The following RAPGEF3 variants were observed in gnomAD, a reference collection of about 807,000 sequenced individuals.
RAPGEF3 encodes the protein 9330170P05Rik.
A neutral mutation model predicts 129.8 loss-of-function variants in RAPGEF3; 103 were observed. That is an observed-to-expected ratio of 0.79 (90% CI 0.68 to 0.93). The LOEUF (loss-of-function observed/expected upper bound fraction) is 0.93. Among genes scored for constraint, RAPGEF3 ranks in the 40% least tolerant of loss-of-function variants. The pLI is 0.00. For missense variants in RAPGEF3, 1,117 were observed against 1,207.4 expected, an observed-to-expected ratio of 0.93 and a Z score of 1.11; for synonymous variants, 436 against 482.6, an observed-to-expected ratio of 0.90 and a Z score of 1.26.
In RAPGEF3 at chr12:47,740,833, G is replaced by T. The variant is rs764015647; in HGVS notation, c.2050-10C>A. ...AGTGGATCAGCTCCACCTGGGTGGG[G>T]TCAGCAGGAGAGGTCAGCGAGTGCT... On this transcript the variant is annotated splice_polypyrimidine_tract_variant and intron_variant, in intron 20 of 27. Transcript: ENST00000449771. 8.1e-6 allele frequency: 13 copies of T among 1,613,750 alleles called. No individual in the cohort carries two copies. The South Asian group carries it at 1.4e-4, about 18-fold the overall frequency.
intron 12 of RAPGEF3, 145 bp from the exon 13 acceptor site, chr12:47,748,297 C>T: frequency 1.0e-6 from 1 of 954,690 alleles, no homozygotes; most frequent in Non-Finnish European, 1.6e-6. Flanking sequence ...TAGTGCTCCC[C>T]ACTAAGCCAA....
Position 47,748,910 on chromosome 12 carries a change from G to A in RAPGEF3, c.1063C>T (p.Arg355Trp), listed in dbSNP as rs766892669. Reference sequence around the variant, plus strand: ...ACCACTTTGCCATGTTCTTCCAGCCGCATGGTCTTTGCCTCCACATCCTGG... The same window carrying A: ...ACCACTTTGCCATGTTCTTCCAGCCACATGGTCTTTGCCTCCACATCCTGG... ...IIKDVEAKTM[R>W]LEEHGKVVLV... The change falls in exon 11 of 28, where the codon CGG (arginine) becomes TGG (tryptophan). Residue 355 changes from arginine (R) to tryptophan (W), a missense_variant. Arg to Trp is a moderately radical substitution (Grantham distance 101, BLOSUM62 -3). Transcript: ENST00000449771. The A allele has an allele frequency of 1.2e-5, 20 of 1,613,840 alleles. 1 individual carries two copies. The highest frequency in any genetic ancestry group is 5.0e-5 in the Admixed American group (3 of 59,988).
At chr12:47,741,142 G>A in intron 19 of RAPGEF3, 102 bp from the exon 20 acceptor site, 1 of 1,363,942 alleles carries the variant, frequency 7.3e-7, no homozygotes, top group Non-Finnish European at 1.0e-6. Context: ...CGTGTTAGGA[G>A]GAGGGTTAGG....
At chr12:47,747,940 G>A (rs901050920) in intron 13 of RAPGEF3, 78 bp from the exon 14 acceptor site, 4 of 1,588,672 alleles carry the variant, frequency 2.5e-6, no homozygotes, top group Admixed American at 3.4e-5. Flanking sequence ...GATGCCCAGG[G>A]CCCCTGGCAA....
At chr12:47,740,224 G>T (rs200383541) in intron 22 of RAPGEF3, 33 bp from the exon 23 acceptor site, 5 of 1,613,184 alleles carry the variant, frequency 3.1e-6, no homozygotes, top group Non-Finnish European at 3.4e-6. Flanking sequence ...CGGCTGCTCT[G>T]GGGGAGGCCC....
chr12:47,738,827 A>T (rs1940957923), intron 24 of RAPGEF3, 73 bp from the exon 25 acceptor site: 1 of 1,358,898 alleles, frequency 7.4e-7, no homozygotes. Flanking sequence ...GGTGAAGGGC[A>T]TAACGGCTCC....
intron 16 of RAPGEF3, 77 bp downstream of exon 16, chr12:47,746,783 C>G (rs1421394367): frequency 6.9e-7 from 1 of 1,448,970 alleles, no homozygotes; most frequent in Non-Finnish European, 9.5e-7. Flanking sequence ...CCCACAGAGC[C>G]CCTCAGGGTC....
At chr12:47,750,451 A>G (rs750081614) in intron 6 of RAPGEF3, 26 bp from the exon 7 acceptor site, 15 of 1,597,990 alleles carry the variant, frequency 9.4e-6, no homozygotes, top group Middle Eastern at 1.7e-4. Context: ...GAATGGGAGC[A>G]CACTGTGAAC....
chr12:47,743,418 C>T, intron 18 of RAPGEF3, 112 bp downstream of exon 18: 1 of 1,382,320 alleles, frequency 7.2e-7, no homozygotes, highest in Non-Finnish European at 9.9e-7. Context: ...CCATCATTCA[C>T]ACTGAGGAAG....
In RAPGEF3 at chr12:47,749,878, T is replaced by C; in HGVS notation, c.817+52A>G. 6.2e-7 allele frequency: 1 copy of C among 1,613,808 alleles called. No individual in the cohort carries two copies. The highest frequency in any genetic ancestry group is 8.5e-7 in the Non-Finnish European group (1 of 1,179,666). The stretch of plus-strand genomic sequence containing the variant: ...CACCTACCATTCCTTCACACATCCT[T>C]CTGCCCATGTCCAGGCCCTGTGCCT... On this transcript the variant is annotated intron_variant, in intron 8 of 27. Coordinates refer to ENST00000449771, the MANE Select transcript of RAPGEF3 (RefSeq NM_001098531.4). This position sits in a 1 kb window ranked among gnomAD's most constrained non-coding sequence, Gnocchi z 4.5.
chr12:47,741,049 G>C lies in RAPGEF3; in HGVS notation c.1924-9C>G. On this transcript the variant is annotated splice_polypyrimidine_tract_variant and intron_variant, in intron 19 of 27. Transcript: ENST00000449771. Reference sequence around the variant, plus strand: ...TGGTCAGGGTGTGGGATCTGCGGGTGGGAGAGTGCTCAGGGGGCTGCCTGA... The same window carrying C: ...TGGTCAGGGTGTGGGATCTGCGGGTCGGAGAGTGCTCAGGGGGCTGCCTGA... The C allele has an allele frequency of 6.2e-7, 1 of 1,611,800 alleles. No homozygotes were observed. The highest frequency in any genetic ancestry group is 8.5e-7 in the Non-Finnish European group (1 of 1,179,182).
intron 10 of RAPGEF3, 29 bp from the exon 11 acceptor site, chr12:47,748,960 A>G (rs1190717553): frequency 6.5e-7 from 1 of 1,537,784 alleles, no homozygotes; most frequent in Admixed American, 1.7e-5. Flanking sequence ...CCCATGCTCA[A>G]CTCATGATGT....
rs185024645 is a variant in RAPGEF3, at chr12:47,737,562, C to T, written c.*5G>A. On this transcript the variant is annotated 3_prime_UTR_variant, in exon 28 of 28. Transcript: ENST00000449771. The stretch of plus-strand genomic sequence containing the variant: ...GCCTGCTCCAGCTCCAGTCCCAGCC[C>T]CTCCTCATGGCTCCAGCTCTCGGGA... The T allele has an allele frequency of 1.2e-6, 2 of 1,610,968 alleles. No homozygotes were observed. The highest frequency in any genetic ancestry group is 1.7e-6 in the Non-Finnish European group (2 of 1,178,758).
In RAPGEF3 at chr12:47,737,537, G is replaced by A. The variant is rs1253194654; in HGVS notation, c.*30C>T. ...CACCCTGGCTTTCCCGGCTGCAAGT[G>A]CCTGCTCCAGCTCCAGTCCCAGCCC... On this transcript the variant is annotated 3_prime_UTR_variant, in exon 28 of 28. Transcript: ENST00000449771. The A allele has an allele frequency of 6.3e-7, 1 of 1,593,502 alleles. No individual in the cohort carries two copies. Among genetic ancestry groups the A allele is most frequent in the South Asian group, 1.1e-5 (1 of 89,946 alleles).
Position 47,738,066 on chromosome 12 carries a change from A to G in RAPGEF3, c.2609T>C (p.Val870Ala). The change falls in exon 27 of 28, where the codon GTT (valine) becomes GCT (alanine). Residue 870 changes from valine to alanine, a missense_variant. Coordinates refer to ENST00000449771, the MANE Select transcript of RAPGEF3 (RefSeq NM_001098531.4). ...CTGGCTGTCCTCGTGGAGGTGGGAA[A>G]CTCGGCTTCTGAGTGGTGAGAGAGG... ...PVPLSPLRSRVSHLHEDSQVA... is the reference protein window; with the variant it reads ...PVPLSPLRSRASHLHEDSQVA... 6.2e-7 allele frequency: 1 copy of G among 1,614,006 alleles called. No individual in the cohort carries two copies. The highest frequency in any genetic ancestry group is 8.5e-7 in the Non-Finnish European group (1 of 1,179,982).
intron 14 of RAPGEF3, 37 bp downstream of exon 14, chr12:47,747,675 G>A (rs756593097): frequency 2.4e-5 from 38 of 1,612,022 alleles, no homozygotes; most frequent in Middle Eastern, 1.6e-4. Context: ...CATCCACCCC[G>A]GGCAGCCCAG....
chr12:47,737,398 T>C lies in RAPGEF3; in HGVS notation c.*169A>G. On this transcript the variant is annotated 3_prime_UTR_variant, in exon 28 of 28. Transcript: ENST00000449771. ...GGTCCACTCCGAGGTCCTCCTTAGC[T>C]GCCAGTCATCACAGGGGATGGCTGC... The C allele has an allele frequency of 1.6e-6, 1 of 621,414 alleles. No individual in the cohort carries two copies. The highest frequency in any genetic ancestry group is 2.8e-6 in the Non-Finnish European group (1 of 354,788). The allele number at this position is 621,414 out of a possible 1,614,324, so 38.5% of individuals were successfully genotyped here.
Position 47,738,197 on chromosome 12 carries a change from G to A in RAPGEF3, c.2577C>T (p.Asn859=). ...CCCGGGGACCCGCCCTCTCACCAGG[G>A]TTGTGGCTTCGGCAGTGGTGCAGCA... The part of the protein sequence containing the change: ...ARMLHHCRSH[N]PVPLSPLRSR... Residue 859 remains asparagine, a synonymous_variant, in exon 26 of 28, where the codon AAC becomes AAT. Coordinates refer to ENST00000449771, the MANE Select transcript of RAPGEF3 (RefSeq NM_001098531.4). The A allele has an allele frequency of 1.9e-6, 3 of 1,613,896 alleles. No homozygotes were observed. The highest frequency in any genetic ancestry group is 2.5e-6 in the Non-Finnish European group (3 of 1,180,014).
At position 47,740,332 on chromosome 12, in the gene RAPGEF3, G is replaced by A; in HGVS notation, c.2295C>T (p.Ala765=). 1 of 1,614,118 alleles carries A rather than the reference G, an allele frequency of 6.2e-7. No homozygotes were observed. The highest frequency in any genetic ancestry group is 8.5e-7 in the Non-Finnish European group (1 of 1,180,014). ...FAVMFGLSNS[A]ISRLAHTWER... is the part of the protein sequence containing the mutation. ...CCCAGGTGTGGGCTAGGCGGCTGATGGCCGAGTTGCTGAGGCCAAACATGA... is the reference window on the plus strand; with the variant it reads ...CCCAGGTGTGGGCTAGGCGGCTGATAGCCGAGTTGCTGAGGCCAAACATGA... The change falls in exon 22 of 28, where the codon GCC becomes GCT. Residue 765 remains alanine, a synonymous_variant. Coordinates refer to ENST00000449771, the MANE Select transcript of RAPGEF3 (RefSeq NM_001098531.4).
Sources: allele counts gnomAD v4.1 joint callset, GRCh38; gene constraint gnomAD v4.1.1; non-coding constraint Gnocchi (gnomAD v3.1); transcripts MANE v1.5; gene names NCBI Gene and HGNC (gene_info 2026-07-23, HGNC 2026-07-21).